The following PALLD variants were observed in gnomAD, a reference collection of about 807,000 sequenced individuals.
PALLD encodes palladin, cytoskeletal associated protein.
Under a neutral mutation model 123.5 loss-of-function variants are expected in PALLD, and 61 were observed. That is an observed-to-expected ratio of 0.49 (90% CI 0.40 to 0.61). The LOEUF is 0.61. Among genes scored for constraint, PALLD ranks in the 20% least tolerant of loss-of-function variants. The pLI is 0.00. For missense variants in PALLD, 1,273 were observed against 1,377.0 expected (o/e 0.92, Z 1.20); for synonymous variants, 465 against 496.4 (o/e 0.94, Z 0.84).
Position 168,860,348 on chromosome 4 carries a change from C to T in PALLD, c.1965-30574C>T, listed in dbSNP as rs115636769. ...CCCCTCGGACTCCCAGGTCTGGAGT[C>T]GGGGCAGAGGCAGAAAGTCTAAAAA... On this transcript the variant is annotated intron_variant, in intron 10 of 21. Coordinates refer to ENST00000505667, the MANE Select transcript of PALLD (RefSeq NM_001166108.2). Among the ~76,000 whole-genome samples the T allele has an allele frequency of 9.8e-3, 1,497 of 152,156 alleles. 31 individuals carry two copies. The highest frequency in any genetic ancestry group is 0.034 in the African/African-American group (1,392 of 41,476).
At chr4:168,763,110 A>T (rs558865051) in intron 10 of PALLD, among the ~76,000 whole-genome samples, 2 of 152,314 alleles carry the variant, frequency 1.3e-5, no homozygotes, top group Non-Finnish European at 2.9e-5. Flanking sequence ...ACCATGGCAC[A>T]TGTATACCTA....
At chr4:168,851,221 A>G (rs532516734) in intron 10 of PALLD, among the ~76,000 whole-genome samples, 72 of 152,318 alleles carry the variant, frequency 4.7e-4, no homozygotes, top group African/African-American at 1.7e-3. Context: ...CATCTCCAGA[A>G]TATGTCTCTC....
intron 10 of PALLD, among the ~76,000 whole-genome samples, chr4:168,790,201 A>G (rs1737316072): frequency 7.1e-6 from 1 of 141,480 alleles, no homozygotes; most frequent in African/African-American, 2.7e-5. Context: ...TTGCTCTGTC[A>G]CCCAGGCTGG....
intron 10 of PALLD, among the ~76,000 whole-genome samples, chr4:168,758,986 C>T (rs1185434430): frequency 6.6e-6 from 1 of 151,070 alleles, no homozygotes; most frequent in Admixed American, 6.6e-5. Context: ...ACCAGCCTGG[C>T]CAACATGGTG....
chr4:168,884,400 G>C (rs183075631), intron 10 of PALLD, among the ~76,000 whole-genome samples: 2 of 152,248 alleles, frequency 1.3e-5, no homozygotes, highest in Admixed American at 1.3e-4. Flanking sequence ...CTGGTCACAG[G>C]ACCTCTGCAC....
At chr4:168,916,175 TCCAAAGCC>T in intron 17 of PALLD, 148 bp downstream of exon 17, 6 of 817,624 alleles carry the variant, frequency 7.3e-6, no homozygotes, top group South Asian at 1.4e-5. Context: ...CACTTTAGAG[TCCAAAGCC>T]GGGCAGATCG....
At chr4:168,570,445 T>G (rs1019345344) in intron 2 of PALLD, among the ~76,000 whole-genome samples, 4 of 152,180 alleles carry the variant, frequency 2.6e-5, no homozygotes, top group Admixed American at 1.3e-4. Context: ...AGACACGCCT[T>G]CAGGATTTTG....
At chr4:168,538,755 C>T (rs1052394409) in intron 2 of PALLD, among the ~76,000 whole-genome samples, 25 of 152,292 alleles carry the variant, frequency 1.6e-4, no homozygotes, top group African/African-American at 4.6e-4. Context: ...TCACATTCAC[C>T]GGCAAAGGCT....
chr4:168,690,261 T>C (rs986180271), intron 6 of PALLD, among the ~76,000 whole-genome samples: 28 of 152,200 alleles, frequency 1.8e-4, no homozygotes, highest in African/African-American at 6.0e-4. Flanking sequence ...TTCCACCTGC[T>C]TCCTTTTAAA....
chr4:168,546,635 G>T (rs148768439), intron 2 of PALLD, among the ~76,000 whole-genome samples: 7 of 152,052 alleles, frequency 4.6e-5, no homozygotes, highest in Non-Finnish European at 1.0e-4. Context: ...CATAGGTGCC[G>T]AAATGAAAAA....
At chr4:168,810,796 C>T (rs1455397016) in intron 10 of PALLD, among the ~76,000 whole-genome samples, 2 of 137,642 alleles carry the variant, frequency 1.5e-5, no homozygotes, top group African/African-American at 5.5e-5. Context: ...GCCTGGGCGA[C>T]AGAGCGAGAC....
chr4:168,523,922 C>T (rs756894703), intron 2 of PALLD, among the ~76,000 whole-genome samples: 3 of 152,258 alleles, frequency 2.0e-5, no homozygotes, highest in Non-Finnish European at 4.4e-5. Flanking sequence ...TGAACCCTCA[C>T]GAAAGTTATT....
intron 10 of PALLD, among the ~76,000 whole-genome samples, chr4:168,820,508 A>G (rs1365738068): frequency 6.6e-6 from 1 of 152,182 alleles, no homozygotes; most frequent in Non-Finnish European, 1.5e-5. Flanking sequence ...ACTAGAAAAG[A>G]ACATGGAGAA....
chr4:168,882,988 G>A (rs577005796), intron 10 of PALLD, among the ~76,000 whole-genome samples: 7 of 152,030 alleles, frequency 4.6e-5, no homozygotes, highest in African/African-American at 1.7e-4. Context: ...TACTTGGGAG[G>A]GCTGAGGCAG....
chr4:168,574,092 G>A (rs2149620159), intron 2 of PALLD, among the ~76,000 whole-genome samples: 1 of 152,074 alleles, frequency 6.6e-6, no homozygotes, highest in South Asian at 2.1e-4. Flanking sequence ...ATGGAATGCT[G>A]GAGATAATAA....
intron 10 of PALLD, among the ~76,000 whole-genome samples, chr4:168,784,221 C>T (rs9992431): frequency 0.013 from 1,965 of 151,864 alleles, 42 homozygotes; most frequent in African/African-American, 0.045. Context: ...TGGTCCCAGC[C>T]GCTTGGGAGA....
chr4:168,602,486 AG>A (rs1206134623), intron 2 of PALLD, among the ~76,000 whole-genome samples: 1 of 152,180 alleles, frequency 6.6e-6, no homozygotes, highest in African/African-American at 2.4e-5. Context: ...CTCTGAGCAA[AG>A]TTCCATTAAT....
At position 168,668,379 on chromosome 4, in the gene PALLD, G is replaced by A. The variant is rs1339599929; in HGVS notation, c.1087+11G>A. 2 of 1,591,026 alleles carry A rather than the reference G, an allele frequency of 1.3e-6. No homozygotes were observed. The highest frequency in any genetic ancestry group is 1.7e-6 in the Non-Finnish European group (2 of 1,166,366). On this transcript the variant is annotated intron_variant, in intron 3 of 21. Coordinates refer to ENST00000505667, the MANE Select transcript of PALLD (RefSeq NM_001166108.2). ...AGGTGTTCATTGAAGGTAAGGAGGG[G>A]TGCCTGGTAATGGGGGATAAAGGGG...
intron 10 of PALLD, among the ~76,000 whole-genome samples, chr4:168,772,649 G>A (rs954780737): frequency 2.6e-5 from 4 of 152,164 alleles, no homozygotes; most frequent in African/African-American, 9.7e-5. Context: ...ACGTGTATGT[G>A]CCCTCTTTGC....
Sources: allele counts gnomAD v4.1 joint callset (sites outside exome capture counted in the v4.1 genomes callset), GRCh38; gene constraint gnomAD v4.1.1; transcripts MANE v1.5; gene names NCBI Gene and HGNC (gene_info 2026-07-23, HGNC 2026-07-21).